EPHB2: variants seen among roughly 807,000 people sequenced by gnomAD.
The protein encoded by EPHB2 is EPH receptor B2.
A neutral mutation model predicts 96.4 loss-of-function variants in EPHB2; 18 were observed. The ratio of observed to expected loss-of-function variants is 0.19; its 90% confidence interval spans 0.13 to 0.28. EPHB2 has a LOEUF of 0.28. Ranked by LOEUF, EPHB2 falls within the 10% of genes least tolerant of loss-of-function variation. The probability of loss-of-function intolerance (pLI) is 1.00; values close to 1 mark genes in which losing one functional copy is unlikely to be tolerated. For missense variants in EPHB2, 989 were observed against 1,355.4 expected (o/e 0.73, Z 4.25); for synonymous variants, 506 against 534.1 (o/e 0.95, Z 0.72).
chr1:22,847,380 G>A (rs1267454319), intron 3 of EPHB2, among the ~76,000 whole-genome samples: 4 of 152,196 alleles, frequency 2.6e-5, no homozygotes, highest in East Asian at 1.9e-4. Context: ...TATGAAGCCT[G>A]GAACACAGCA....
intron 1 of EPHB2, among the ~76,000 whole-genome samples, chr1:22,718,201 C>G (rs1265146487): frequency 6.6e-6 from 1 of 152,014 alleles, no homozygotes; most frequent in African/African-American, 2.4e-5. Context: ...TGAGAGGCCC[C>G]TCCAGCCTGC....
Position 22,906,753 on chromosome 1 carries a change from C to A in EPHB2, c.1932C>A (p.Gly644=). Residue 644 remains glycine, a synonymous_variant, in exon 11 of 16, where the codon GGC becomes GGA. Coordinates refer to ENST00000374630, the MANE Select transcript of EPHB2 (RefSeq NM_017449.5). The surrounding 1 kb of genome is among the most constrained non-coding windows in gnomAD (Gnocchi z 4.8). ...EVCSGHLKLP[G]KREIFVAIKT... ...GCAGTGGCCACCTGAAGCTGCCAGGCAAGAGAGAGATCTTTGTGGCCATCA... is the reference window on the plus strand; with the variant it reads ...GCAGTGGCCACCTGAAGCTGCCAGGAAAGAGAGAGATCTTTGTGGCCATCA... The A allele has an allele frequency of 6.2e-7, 1 of 1,614,170 alleles. No homozygotes were observed. Among genetic ancestry groups the A allele is most frequent in the South Asian group, 1.1e-5 (1 of 91,080 alleles).
At position 22,756,485 on chromosome 1, in the gene EPHB2, T is replaced by G. The variant is rs1306564183; in HGVS notation, c.62-24936T>G. Among the ~76,000 whole-genome samples the G allele has an allele frequency of 2.6e-5, 4 of 152,260 alleles. No individual in the cohort carries two copies. The East Asian group carries it at 5.8e-4, about 22-fold the overall frequency. On this transcript the variant is annotated intron_variant, in intron 1 of 15. Transcript: ENST00000374630. ...TGTGGACTGGGCCCCAGTCCTTCCC[T>G]TCGCCCGTGGGCGGCTTTATCTGGG...
chr1:22,826,690 G>A (rs892215211), intron 3 of EPHB2, among the ~76,000 whole-genome samples: 3 of 152,208 alleles, frequency 2.0e-5, no homozygotes, highest in African/African-American at 4.8e-5. Context: ...GCTGGAGCTG[G>A]TCTGGCTCAC....
At chr1:22,805,325 GT>G (rs1644908881) in intron 3 of EPHB2, among the ~76,000 whole-genome samples, 1 of 152,168 alleles carries the variant, frequency 6.6e-6, no homozygotes, top group Non-Finnish European at 1.5e-5. Context: ...CTCAGCCTCA[GT>G]TTCCCCCCCA....
intron 3 of EPHB2, among the ~76,000 whole-genome samples, chr1:22,829,948 G>C (rs1372633597): frequency 1.3e-5 from 2 of 152,190 alleles, no homozygotes; most frequent in Non-Finnish European, 2.9e-5. Context: ...GGGCAGGAGA[G>C]GTAAGTCGAG....
At chr1:22,907,850 C>A in intron 11 of EPHB2, 103 bp from the exon 12 acceptor site, 1 of 1,446,292 alleles carries the variant, frequency 6.9e-7, no homozygotes, top group Non-Finnish European at 9.7e-7. Context: ...GAGCCCAGAG[C>A]CAGGCTGGCA....
chr1:22,849,169 G>C (rs1410913801), intron 3 of EPHB2, among the ~76,000 whole-genome samples: 1 of 152,158 alleles, frequency 6.6e-6, no homozygotes, highest in African/African-American at 2.4e-5. Context: ...CTGTGGTGCT[G>C]AGATTTTCCC....
intron 5 of EPHB2, among the ~76,000 whole-genome samples, chr1:22,869,721 C>A (rs748922580): frequency 1.4e-4 from 21 of 152,214 alleles, no homozygotes; most frequent in South Asian, 4.1e-4. Flanking sequence ...CCTGGAAAGG[C>A]TTTCTTATCC....
chr1:22,848,720 G>A (rs1645580520), intron 3 of EPHB2, among the ~76,000 whole-genome samples: 1 of 152,168 alleles, frequency 6.6e-6, no homozygotes, highest in Non-Finnish European at 1.5e-5. Context: ...CTTGTTGTTT[G>A]TATTTCCTAA....
At chr1:22,762,031 A>G in intron 1 of EPHB2, among the ~76,000 whole-genome samples, 1 of 152,250 alleles carries the variant, frequency 6.6e-6, no homozygotes, top group East Asian at 1.9e-4. Context: ...CACATTAAAA[A>G]TAGCTCAATT....
chr1:22,786,202 T>C (rs978714548), intron 3 of EPHB2, among the ~76,000 whole-genome samples: 4 of 152,158 alleles, frequency 2.6e-5, no homozygotes, highest in African/African-American at 9.7e-5. Context: ...CTTCCTAGGC[T>C]GGTGTGAGGA....
Position 22,882,420 on chromosome 1 carries a change from G to A in EPHB2, c.1365G>A (p.Ser455=), listed in dbSNP as rs200120268. 3.9e-5 allele frequency: 63 copies of A among 1,614,146 alleles called. No homozygotes were observed. In the East Asian group the frequency reaches 7.4e-4, roughly 19 times the overall value. ...VSRTVDSITL[S]WSQPDQPNGV... is the part of the protein sequence containing the mutation. Reference sequence around the variant, plus strand: ...GCACCGTGGACAGCATTACCCTGTCGTGGTCCCAGCCGGACCAGCCCAATG... The same window carrying A: ...GCACCGTGGACAGCATTACCCTGTCATGGTCCCAGCCGGACCAGCCCAATG... Residue 455 remains serine (S), a synonymous_variant, in exon 6 of 16, where the codon TCG becomes TCA. Coordinates refer to ENST00000374630, the MANE Select transcript of EPHB2 (RefSeq NM_017449.5).
rs1012858876 is a variant in EPHB2 at position 22,869,927 on chromosome 1, T to C, written c.1303+4715T>C. ...ACAATGGGTCTGCTTTTCCTCACCA[T>C]GGTTTTCCCGGCACCTAGAGGGGGC... On this transcript the variant is annotated intron_variant, in intron 5 of 15. Transcript: ENST00000374630. 2.6e-5 allele frequency among the ~76,000 whole-genome samples: 4 copies of C among 152,170 alleles called. No individual in the cohort carries two copies. In the East Asian group the frequency reaches 7.7e-4, roughly 29 times the overall value.
intron 12 of EPHB2, among the ~76,000 whole-genome samples, chr1:22,908,528 G>T (rs900099102): frequency 5.2e-5 from 8 of 152,388 alleles, no homozygotes; most frequent in African/African-American, 2.4e-5. Flanking sequence ...GGCTGTAGGG[G>T]CAGTGGTAGT....
intron 3 of EPHB2, among the ~76,000 whole-genome samples, chr1:22,824,839 G>A (rs998080934): frequency 6.6e-6 from 1 of 152,202 alleles, no homozygotes; most frequent in Non-Finnish European, 1.5e-5. Context: ...TGAGCATTCC[G>A]TCCCAGGGCA....
At chr1:22,908,892 T>C (rs1258772727) in intron 12 of EPHB2, 130 bp from the exon 13 acceptor site, 1 of 1,401,854 alleles carries the variant, frequency 7.1e-7, no homozygotes, top group Non-Finnish European at 9.8e-7. Context: ...TGAAGCTGCA[T>C]GGTAAGTTTG....
Position 22,817,411 on chromosome 1 carries a change from C to G in EPHB2, c.811+32335C>G, listed in dbSNP as rs536195008. Among the ~76,000 whole-genome samples, 6 of 152,338 alleles carry G rather than the reference C, an allele frequency of 3.9e-5. No homozygotes were observed. The South Asian group carries it at 1.0e-3, about 26-fold the overall frequency. On this transcript the variant is annotated intron_variant, in intron 3 of 15. Transcript: ENST00000374630. Reference sequence around the variant, plus strand: ...GAAGGTCACACAGCTAGATTAGAACCCGCAGTTGCCTGGGTCAGAGCCCAT... The same window carrying G: ...GAAGGTCACACAGCTAGATTAGAACGCGCAGTTGCCTGGGTCAGAGCCCAT...
At chr1:22,826,437 G>A (rs1645224953) in intron 3 of EPHB2, among the ~76,000 whole-genome samples, 1 of 152,206 alleles carries the variant, frequency 6.6e-6, no homozygotes, top group Admixed American at 6.5e-5. Flanking sequence ...TTAAACTTTT[G>A]ATGTTTAGAT....
Sources: gnomAD v4.1 joint callset for allele counts (sites outside exome capture counted in the v4.1 genomes callset) on GRCh38, gnomAD v4.1.1 for gene constraint, Gnocchi (gnomAD v3.1) non-coding constraint, MANE v1.5 for transcripts, NCBI Gene and HGNC (gene_info 2026-07-23, HGNC 2026-07-21) for gene names.